Variants in LRP1B observed in about 807,000 individuals in gnomAD.
The protein encoded by LRP1B is LDL receptor related protein 1B.
In LRP1B, 217 loss-of-function variants were observed where a neutral mutation model predicts 556.6. The observed-to-expected ratio is 0.39, with a 90% CI of 0.35 to 0.44. The LOEUF (loss-of-function observed/expected upper bound fraction) is 0.44. Among genes scored for constraint, LRP1B ranks in the 20% least tolerant of loss-of-function variants. LRP1B has a pLI of 1.00. For synonymous variants in LRP1B, 2,047 were observed against 1,865.8 expected, an observed-to-expected ratio of 1.10 and a Z score of -2.50; for missense variants, 5,053 against 5,620.8, an observed-to-expected ratio of 0.90 and a Z score of 3.23.
At chr2:141,376,554 C>G (rs1417007948) in intron 3 of LRP1B, among the ~76,000 whole-genome samples, 1 of 152,158 alleles carries the variant, frequency 6.6e-6, no homozygotes, top group East Asian at 1.9e-4. Context: ...CTACCTGCAT[C>G]TAGTAAGTCA....
rs540652284 is a variant in LRP1B at position 141,376,336 on chromosome 2, A to T, written c.343+104060T>A. Among the ~76,000 whole-genome samples, 4 of 152,246 alleles carry T rather than the reference A, an allele frequency of 2.6e-5. No individual in the cohort carries two copies. The South Asian group carries it at 8.3e-4, about 32-fold the overall frequency. On this transcript the variant is annotated intron_variant, in intron 3 of 90. Transcript: ENST00000389484. ...CCATTTCAAAATGTGGAGCTCTGGGAGTTTCTCTCTTACTGTTTCCCCACA... is the reference window on the plus strand; with the variant it reads ...CCATTTCAAAATGTGGAGCTCTGGGTGTTTCTCTCTTACTGTTTCCCCACA...
intron 7 of LRP1B, among the ~76,000 whole-genome samples, chr2:141,121,819 G>A (rs1247887082): frequency 1.3e-5 from 2 of 152,008 alleles, no homozygotes; most frequent in Non-Finnish European, 2.9e-5. Flanking sequence ...AAAGAACAAA[G>A]CTGGAGACAT....
At chr2:141,421,524 G>A (rs1472176029) in intron 3 of LRP1B, among the ~76,000 whole-genome samples, 2 of 63,088 alleles carry the variant, frequency 3.2e-5, no homozygotes, top group Non-Finnish European at 6.8e-5. Flanking sequence ...GCGAGACTCT[G>A]TCTCAAAAAA....
chr2:141,463,991 G>T (rs1682056406), intron 3 of LRP1B, among the ~76,000 whole-genome samples: 1 of 151,654 alleles, frequency 6.6e-6, no homozygotes. Context: ...ATTGCTAACG[G>T]CAGTTCAGCC....
At chr2:140,322,371 C>G (rs1680186925) in intron 81 of LRP1B, among the ~76,000 whole-genome samples, 1 of 151,942 alleles carries the variant, frequency 6.6e-6, no homozygotes, top group Non-Finnish European at 1.5e-5. Context: ...CTTCTAATTG[C>G]TTTTGGCATA....
chr2:142,050,740 A>G (rs1704427274), intron 1 of LRP1B, among the ~76,000 whole-genome samples: 1 of 152,114 alleles, frequency 6.6e-6, no homozygotes, highest in Admixed American at 6.6e-5. Flanking sequence ...CAACCAATAT[A>G]TATTGAGGAT....
At chr2:141,352,035 A>T (rs1301690862) in intron 3 of LRP1B, among the ~76,000 whole-genome samples, 1 of 151,958 alleles carries the variant, frequency 6.6e-6, no homozygotes, top group Non-Finnish European at 1.5e-5. Context: ...ACTTTTGAAG[A>T]AAATGATAAT....
intron 32 of LRP1B, among the ~76,000 whole-genome samples, chr2:140,794,478 AACACACAC>A (rs6146938): frequency 0.24 from 35,240 of 149,856 alleles, 4,074 homozygotes; most frequent in South Asian, 0.31. Context: ...AGCTATTTAA[AACACACAC>A]ACACACACAC....
chr2:141,598,074 AG>A (rs1475110284), intron 2 of LRP1B, among the ~76,000 whole-genome samples: 1 of 140,122 alleles, frequency 7.1e-6, no homozygotes, highest in Non-Finnish European at 1.6e-5. Context: ...AAATTTTAAA[AG>A]GTGCTTTTTT....
At chr2:140,501,556 C>T (rs867863888) in intron 55 of LRP1B, 131 bp downstream of exon 55, 4 of 526,950 alleles carry the variant, frequency 7.6e-6, no homozygotes, top group South Asian at 5.3e-5. Flanking sequence ...ATCTTCATAT[C>T]GACACTCTCC....
intron 1 of LRP1B, among the ~76,000 whole-genome samples, chr2:142,070,044 G>T (rs1159111087): frequency 6.6e-6 from 1 of 151,668 alleles, no homozygotes; most frequent in Non-Finnish European, 1.5e-5. Flanking sequence ...TCTTAGCCTT[G>T]TACGAGGCTC....
At chr2:142,072,486 C>A (rs190791081) in intron 1 of LRP1B, among the ~76,000 whole-genome samples, 3 of 152,114 alleles carry the variant, frequency 2.0e-5, no homozygotes, top group Non-Finnish European at 4.4e-5. Flanking sequence ...AAATCTTAGA[C>A]CAAGTTTGTC....
At chr2:141,709,182 C>T (rs1692261736) in intron 2 of LRP1B, among the ~76,000 whole-genome samples, 1 of 151,838 alleles carries the variant, frequency 6.6e-6, no homozygotes, top group Admixed American at 6.6e-5. Flanking sequence ...AACCCCGTCT[C>T]TACAAAAAAT....
At chr2:141,551,146 G>A (rs952917309) in intron 2 of LRP1B, among the ~76,000 whole-genome samples, 1 of 151,914 alleles carries the variant, frequency 6.6e-6, no homozygotes, top group East Asian at 1.9e-4. Flanking sequence ...ATATTACATA[G>A]ATGTGTATTT....
At chr2:141,927,903 C>CAAA (rs5834879) in intron 1 of LRP1B, among the ~76,000 whole-genome samples, 9 of 111,134 alleles carry the variant, frequency 8.1e-5, no homozygotes, top group African/African-American at 2.4e-4. Flanking sequence ...CTTGGCTTTA[C>CAAA]AAAAAAAAAA....
chr2:141,274,440 T>C (rs1685206668), intron 3 of LRP1B, among the ~76,000 whole-genome samples: 1 of 152,154 alleles, frequency 6.6e-6, no homozygotes, highest in African/African-American at 2.4e-5. Flanking sequence ...CTAGTGAAAG[T>C]AGTCAGTCAC....
At chr2:140,361,342 A>ATATG (rs1682494238) in intron 72 of LRP1B, among the ~76,000 whole-genome samples, 1 of 6,620 alleles carries the variant, frequency 1.5e-4, no homozygotes, top group Non-Finnish European at 3.1e-4. Context: ...CTTGGAAAGC[A>ATATG]TATATATATA....
chr2:140,560,346 A>G (rs550806979), intron 43 of LRP1B, among the ~76,000 whole-genome samples: 28 of 152,272 alleles, frequency 1.8e-4, no homozygotes, highest in Admixed American at 1.6e-3. Flanking sequence ...CAGTTGCAGA[A>G]ATTTGAAAAA....
intron 1 of LRP1B, among the ~76,000 whole-genome samples, chr2:141,985,848 C>T (rs1300061394): frequency 6.6e-6 from 1 of 151,760 alleles, no homozygotes; most frequent in East Asian, 1.9e-4. Context: ...TCAATGAATC[C>T]CCAAAATGAT....
Sources: gnomAD v4.1 joint callset for allele counts (sites outside exome capture counted in the v4.1 genomes callset) on GRCh38, gnomAD v4.1.1 for gene constraint, MANE v1.5 for transcripts, NCBI Gene and HGNC (gene_info 2026-07-23, HGNC 2026-07-21) for gene names.